Variants in RALYL observed in about 807,000 individuals in gnomAD.
The protein encoded by RALYL is RALY RNA binding protein like.
A neutral mutation model predicts 35.1 loss-of-function variants in RALYL; 29 were observed. That is an observed-to-expected ratio of 0.83 (90% confidence interval 0.61 to 1.13). The LOEUF (loss-of-function observed/expected upper bound fraction) is 1.13. Ranked by LOEUF, RALYL falls within the 50% of genes most tolerant of loss-of-function variation. The probability of loss-of-function intolerance (pLI) is 0.00; values close to 1 mark genes in which losing one functional copy is unlikely to be tolerated. For synonymous variants in RALYL, 120 were observed against 127.6 expected, an observed-to-expected ratio of 0.94 and a Z score of 0.40; for missense variants, 359 against 360.4, an observed-to-expected ratio of 1.00 and a Z score of 0.03.
At chr8:84,711,965 C>A (rs531520571) in intron 2 of RALYL, among the ~76,000 whole-genome samples, 1 of 151,842 alleles carries the variant, frequency 6.6e-6, no homozygotes, top group Non-Finnish European at 1.5e-5. Context: ...TGTTACCTAA[C>A]GAGTTGAAAA....
intron 2 of RALYL, among the ~76,000 whole-genome samples, chr8:84,685,440 C>A (rs577121455): frequency 6.6e-6 from 1 of 152,218 alleles, no homozygotes; most frequent in Non-Finnish European, 1.5e-5. Context: ...CCTCATTCCA[C>A]CACCCTCCTC....
chr8:84,314,349 C>T (rs547805586), intron 1 of RALYL, among the ~76,000 whole-genome samples: 10 of 151,824 alleles, frequency 6.6e-5, no homozygotes, highest in Non-Finnish European at 1.5e-4. Flanking sequence ...TATATAATAC[C>T]TTAAGCCCTC....
At chr8:84,323,125 A>G (rs1343937996) in intron 1 of RALYL, among the ~76,000 whole-genome samples, 2 of 152,042 alleles carry the variant, frequency 1.3e-5, no homozygotes, top group African/African-American at 4.8e-5. Context: ...AAGGACTATA[A>G]CTTATTCAGC....
chr8:84,271,496 A>G (rs1189712650), intron 1 of RALYL, among the ~76,000 whole-genome samples: 1 of 150,154 alleles, frequency 6.7e-6, no homozygotes, highest in Non-Finnish European at 1.5e-5. Flanking sequence ...GTGTGTTTTA[A>G]CATTCTATCC....
chr8:84,188,402 A>T (rs867844135), intron 1 of RALYL, among the ~76,000 whole-genome samples: 1 of 152,016 alleles, frequency 6.6e-6, no homozygotes, highest in Non-Finnish European at 1.5e-5. Context: ...GTCCTTATTG[A>T]TCTGCAGTTA....
At chr8:84,854,856 G>A (rs1482599006) in intron 5 of RALYL, among the ~76,000 whole-genome samples, 1 of 152,194 alleles carries the variant, frequency 6.6e-6, no homozygotes. Context: ...AGGAGATTCT[G>A]TTCAGATGGT....
intron 1 of RALYL, among the ~76,000 whole-genome samples, chr8:84,250,940 T>C (rs942705311): frequency 6.6e-6 from 1 of 152,196 alleles, no homozygotes; most frequent in African/African-American, 2.4e-5. Flanking sequence ...TACTCAGTTT[T>C]AGCATGTCAG....
chr8:84,910,301 G>A (rs1352193805), intron 8 of RALYL, among the ~76,000 whole-genome samples: 1 of 152,014 alleles, frequency 6.6e-6, no homozygotes, highest in Non-Finnish European at 1.5e-5. Context: ...AACTGGAAAT[G>A]AAGAAAAAGA....
At chr8:84,669,158 G>C (rs892740288) in intron 2 of RALYL, among the ~76,000 whole-genome samples, 3 of 152,148 alleles carry the variant, frequency 2.0e-5, no homozygotes, top group South Asian at 2.1e-4. Flanking sequence ...TTTCAGTCTA[G>C]TGTTGGTTTT....
At chr8:84,253,760 A>G (rs28459024) in intron 1 of RALYL, among the ~76,000 whole-genome samples, 6,237 of 152,200 alleles carry the variant, frequency 0.041, 162 homozygotes, top group Middle Eastern at 0.082. Context: ...CTGTCTAGGT[A>G]GAGTAGAATT....
In RALYL at chr8:84,866,159, G is replaced by A. The variant is rs146960101; in HGVS notation, c.571+3706G>A. Among the ~76,000 whole-genome samples the A allele has an allele frequency of 3.9e-3, 591 of 152,232 alleles. 2 individuals are homozygous for A. Among genetic ancestry groups the A allele is most frequent in the Non-Finnish European group, 6.5e-3 (442 of 68,024 alleles). On this transcript the variant is annotated intron_variant, in intron 6 of 8. Coordinates refer to ENST00000521268, the MANE Select transcript of RALYL (RefSeq NM_173848.7). ...AAGGCTTAACAGAGGATTTTGAACT[G>A]AGTTTAGATGAGCCAGTAGATTCTG... is the stretch of plus-strand genomic sequence containing the variant.
At chr8:84,449,950 T>G (rs1244023934) in intron 1 of RALYL, among the ~76,000 whole-genome samples, 2 of 151,912 alleles carry the variant, frequency 1.3e-5, no homozygotes, top group African/African-American at 4.8e-5. Flanking sequence ...AGGGACCATA[T>G]TGTCCTCATT....
At chr8:84,537,287 T>A (rs2059680847) in intron 2 of RALYL, among the ~76,000 whole-genome samples, 1 of 151,472 alleles carries the variant, frequency 6.6e-6, no homozygotes, top group African/African-American at 2.4e-5. Context: ...TTGGGCAACA[T>A]GGCAAAACCC....
chr8:84,765,839 A>G (rs77489617), intron 2 of RALYL, among the ~76,000 whole-genome samples: 5 of 132,930 alleles, frequency 3.8e-5, no homozygotes, highest in East Asian at 2.0e-4. Context: ...CCTGATGAGG[A>G]AAAAAAAAAA....
intron 2 of RALYL, among the ~76,000 whole-genome samples, chr8:84,761,629 C>T (rs1339471070): frequency 6.6e-6 from 1 of 152,062 alleles, no homozygotes; most frequent in Non-Finnish European, 1.5e-5. Flanking sequence ...TTTTACCTTC[C>T]ACAGCAATGT....
chr8:84,781,126 G>C (rs953106398), intron 3 of RALYL, among the ~76,000 whole-genome samples: 1 of 152,132 alleles, frequency 6.6e-6, no homozygotes, highest in South Asian at 2.1e-4. Context: ...GCCTCCCAAA[G>C]TGCTGGGATT....
chr8:84,199,072 C>G (rs1315900037), intron 1 of RALYL, among the ~76,000 whole-genome samples: 1 of 152,158 alleles, frequency 6.6e-6, no homozygotes, highest in Non-Finnish European at 1.5e-5. Flanking sequence ...AACCTCCAAA[C>G]CGTTTTCCAT....
chr8:84,474,482 G>A (rs1023753421), intron 1 of RALYL, among the ~76,000 whole-genome samples: 1 of 152,160 alleles, frequency 6.6e-6, no homozygotes, highest in Non-Finnish European at 1.5e-5. Flanking sequence ...TATGGGGCAA[G>A]TGCAAGTTTC....
At chr8:84,388,754 A>G (rs1209366709) in intron 1 of RALYL, among the ~76,000 whole-genome samples, 1 of 151,948 alleles carries the variant, frequency 6.6e-6, no homozygotes, top group Non-Finnish European at 1.5e-5. Context: ...CCTTTGTCAG[A>G]TGAGTAGGTT....
Sources: gnomAD v4.1 joint callset for allele counts (sites outside exome capture counted in the v4.1 genomes callset) on GRCh38, gnomAD v4.1.1 for gene constraint, MANE v1.5 for transcripts, NCBI Gene and HGNC (gene_info 2026-07-23, HGNC 2026-07-21) for gene names.